Variants in ITGA9 observed in about 807,000 individuals in gnomAD.
The protein encoded by ITGA9 is integrin subunit alpha 9.
Under a neutral mutation model 127.8 loss-of-function variants are expected in ITGA9, and 56 were observed. The observed-to-expected ratio is 0.44, with a 90% CI of 0.35 to 0.55. The LOEUF (loss-of-function observed/expected upper bound fraction) is 0.55, where lower values mean the gene tolerates loss of function less well. ITGA9 is among the 20% of genes least tolerant of loss of function. The probability of loss-of-function intolerance (pLI) is 0.00; values close to 1 mark genes in which losing one functional copy is unlikely to be tolerated. For synonymous variants in ITGA9, 508 were observed against 514.5 expected (o/e 0.99, Z 0.17); for missense variants, 1,196 against 1,347.1 (o/e 0.89, Z 1.76).
At chr3:37,714,601 A>T (rs189435461) in intron 18 of ITGA9, among the ~76,000 whole-genome samples, 1 of 152,314 alleles carries the variant, frequency 6.6e-6, no homozygotes, top group East Asian at 1.9e-4. Flanking sequence ...CAAGGGAAGG[A>T]AGCCACCAGT....
At chr3:37,533,589 G>C in intron 14 of ITGA9, 121 bp downstream of exon 14, 1 of 934,678 alleles carries the variant, frequency 1.1e-6, no homozygotes. Context: ...AGGCACACAG[G>C]CTGGACATCC....
chr3:37,494,856 G>A (rs1467518953), intron 5 of ITGA9, among the ~76,000 whole-genome samples: 8 of 152,272 alleles, frequency 5.3e-5, no homozygotes, highest in South Asian at 2.1e-4. Flanking sequence ...GGAAGGAGTC[G>A]ATTTGGGGAT....
At chr3:37,818,839 G>A in intron 27 of ITGA9, 52 bp from the exon 28 acceptor site, 1 of 1,395,202 alleles carries the variant, frequency 7.2e-7, no homozygotes. Flanking sequence ...GGGTCACAAT[G>A]GCTGATTCTT....
chr3:37,547,319 T>A (rs1275508213), intron 15 of ITGA9, among the ~76,000 whole-genome samples: 2 of 152,238 alleles, frequency 1.3e-5, no homozygotes, highest in Non-Finnish European at 2.9e-5. Context: ...CCTAAGTGGC[T>A]GCAGCTCCTT....
At chr3:37,647,453 G>GTTTTT (rs58911100) in intron 16 of ITGA9, among the ~76,000 whole-genome samples, 6 of 141,690 alleles carry the variant, frequency 4.2e-5, no homozygotes, top group Non-Finnish European at 7.7e-5. Flanking sequence ...GCCTAACATA[G>GTTTTT]TTTTTTTTTT....
At chr3:37,817,517 G>A (rs1697450271) in intron 27 of ITGA9, among the ~76,000 whole-genome samples, 1 of 152,250 alleles carries the variant, frequency 6.6e-6, no homozygotes, top group African/African-American at 2.4e-5. Context: ...CTGCAGGCAA[G>A]CTCCATGGGG....
chr3:37,618,992 C>T (rs1248815722), intron 15 of ITGA9, among the ~76,000 whole-genome samples: 1 of 152,176 alleles, frequency 6.6e-6, no homozygotes, highest in Non-Finnish European at 1.5e-5. Context: ...CTGACACTCC[C>T]CAGTGAGGTG....
chr3:37,772,559 G>A (rs1042351300), intron 23 of ITGA9, among the ~76,000 whole-genome samples: 1 of 151,934 alleles, frequency 6.6e-6, no homozygotes, highest in African/African-American at 2.4e-5. Context: ...TGTCACATTG[G>A]TACCTGTTCA....
At chr3:37,635,114 AAAG>A (rs1438651902) in intron 16 of ITGA9, among the ~76,000 whole-genome samples, 1 of 152,238 alleles carries the variant, frequency 6.6e-6, no homozygotes, top group Non-Finnish European at 1.5e-5. Context: ...AGAAGAGTAT[AAAG>A]AAGAATGTTG....
chr3:37,508,487 C>A, intron 7 of ITGA9, 72 bp from the exon 8 acceptor site: 2 of 1,268,322 alleles, frequency 1.6e-6, no homozygotes, highest in East Asian at 2.4e-5. Flanking sequence ...ATAGGACTCC[C>A]AGGAGAGTGC....
chr3:37,795,935 A>G (rs182091987), intron 26 of ITGA9, among the ~76,000 whole-genome samples: 3 of 152,300 alleles, frequency 2.0e-5, no homozygotes, highest in Admixed American at 2.0e-4. Flanking sequence ...CAAAATGCAA[A>G]TCACATCACT....
At chr3:37,811,632 C>T (rs970048561) in intron 27 of ITGA9, among the ~76,000 whole-genome samples, 2 of 152,202 alleles carry the variant, frequency 1.3e-5, no homozygotes, top group Non-Finnish European at 2.9e-5. Context: ...ATACAGGCCA[C>T]CACTCAGTGA....
chr3:37,807,848 G>C (rs1230912192), intron 27 of ITGA9: 2 of 152,264 alleles, frequency 1.3e-5, no homozygotes, highest in African/African-American at 2.4e-5. Context: ...TGAGAGGTCA[G>C]GGAGAAAAAA....
chr3:37,626,585 G>A (rs919467062), intron 15 of ITGA9, among the ~76,000 whole-genome samples: 2 of 152,228 alleles, frequency 1.3e-5, no homozygotes, highest in Non-Finnish European at 2.9e-5. Context: ...TCAGGAGGCT[G>A]AGGCAGGAAG....
chr3:37,699,497 C>T (rs1354317344), intron 18 of ITGA9, among the ~76,000 whole-genome samples: 1 of 152,206 alleles, frequency 6.6e-6, no homozygotes, highest in Non-Finnish European at 1.5e-5. Context: ...CAGTTCTCAC[C>T]ATCACCATTG....
chr3:37,748,767 A>G, intron 22 of ITGA9: 1 of 626,414 alleles, frequency 1.6e-6, no homozygotes, highest in Non-Finnish European at 2.8e-6. Context: ...AAAAAAAAAA[A>G]GAAGGAAGCC....
At chr3:37,494,322 T>G (rs996819002) in intron 4 of ITGA9, among the ~76,000 whole-genome samples, 179 bp from the exon 5 acceptor site, 2 of 152,056 alleles carry the variant, frequency 1.3e-5, no homozygotes, top group Non-Finnish European at 1.5e-5. Flanking sequence ...AGAGCCTGGA[T>G]TTTTGAGGTC....
chr3:37,823,140 A>G lies in ITGA9; in HGVS notation c.*4151A>G, dbSNP rs1697533498. 1 of 152,208 alleles carries G rather than the reference A, an allele frequency of 6.6e-6. No homozygotes were observed. The highest frequency in any genetic ancestry group is 1.5e-5 in the Non-Finnish European group (1 of 68,040). 9.4% of individuals were successfully genotyped at this position (152,208 alleles called of 1,614,324 possible). On this transcript the variant is annotated 3_prime_UTR_variant, in exon 28 of 28. Coordinates refer to ENST00000264741, the MANE Select transcript of ITGA9 (RefSeq NM_002207.3). ...GCACATGGGGGGAATAAGTGAACAA[A>G]TTTCCCAACATCGTGCAATGCTTTA...
intron 18 of ITGA9, among the ~76,000 whole-genome samples, chr3:37,688,856 G>T (rs1009227425): frequency 6.6e-6 from 1 of 151,994 alleles, no homozygotes; most frequent in Non-Finnish European, 1.5e-5. Flanking sequence ...AGATAGGTAG[G>T]TAGGTAGATG....
Sources: allele counts gnomAD v4.1 joint callset (sites outside exome capture counted in the v4.1 genomes callset), GRCh38; gene constraint gnomAD v4.1.1; transcripts MANE v1.5; gene names NCBI Gene and HGNC (gene_info 2026-07-23, HGNC 2026-07-21).